The following WDPCP variants were observed in gnomAD, a reference collection of about 807,000 sequenced individuals.
WDPCP encodes WD repeat containing planar cell polarity effector, also known as WD repeat-containing and planar cell polarity effector protein fritz homolog.
WDPCP carries 71 observed loss-of-function variants against 93.1 expected under a neutral mutation model. The observed-to-expected ratio is 0.76, with a 90% CI of 0.63 to 0.93. WDPCP has a LOEUF of 0.93. WDPCP is among the 40% of genes least tolerant of loss of function. The probability of loss-of-function intolerance (pLI) is 0.00; values close to 1 mark genes in which losing one functional copy is unlikely to be tolerated. For missense variants in WDPCP, 844 were observed against 887.4 expected, an observed-to-expected ratio of 0.95 and a Z score of 0.62; for synonymous variants, 315 against 315.0, an observed-to-expected ratio of 1.00 and a Z score of 0.00.
intron 1 of WDPCP, among the ~76,000 whole-genome samples, chr2:63,579,172 C>T (rs1708320641): frequency 6.6e-6 from 1 of 152,184 alleles, no homozygotes; most frequent in African/African-American, 2.4e-5. Context: ...GTGCCCCACA[C>T]ATAAACCTGA....
At chr2:63,722,664 G>GC (rs1377010095) in intron 2 of WDPCP, among the ~76,000 whole-genome samples, 6 of 141,520 alleles carry the variant, frequency 4.2e-5, no homozygotes, top group Admixed American at 1.4e-4. Context: ...AGGTGGGGGG[G>GC]GGTCAGCCCC....
At chr2:63,351,445 A>C (rs1230915617) in intron 12 of WDPCP, among the ~76,000 whole-genome samples, 1 of 151,956 alleles carries the variant, frequency 6.6e-6, no homozygotes, top group Non-Finnish European at 1.5e-5. Context: ...CCCATCTAGT[A>C]GTCCACAGTG....
intron 1 of WDPCP, among the ~76,000 whole-genome samples, chr2:63,510,122 C>T (rs868594167): frequency 3.3e-5 from 5 of 152,038 alleles, no homozygotes; most frequent in South Asian, 2.1e-4. Context: ...GGCAGAGACA[C>T]AACAAAAAAA....
intron 1 of WDPCP, among the ~76,000 whole-genome samples, chr2:63,548,605 C>T (rs777252238): frequency 6.6e-6 from 1 of 151,898 alleles, no homozygotes; most frequent in Non-Finnish European, 1.5e-5. Flanking sequence ...TCAAATGGAC[C>T]GCATCTTAAG....
intron 13 of WDPCP, among the ~76,000 whole-genome samples, chr2:63,273,809 A>ACACACACACACACACACATG (rs1491586791): frequency 9.5e-5 from 13 of 136,796 alleles, no homozygotes; most frequent in African/African-American, 3.3e-4. Context: ...CAACGCAGAA[A>ACACACACACACACACACATG]CACACACACA....
At chr2:63,801,019 A>G (rs1670687324) in intron 2 of WDPCP, among the ~76,000 whole-genome samples, 2 of 152,186 alleles carry the variant, frequency 1.3e-5, no homozygotes, top group African/African-American at 4.8e-5. Flanking sequence ...AGACCATTAT[A>G]CTCAGCCTGG....
intron 17 of WDPCP, among the ~76,000 whole-genome samples, chr2:63,144,139 T>G (rs1671292019): frequency 6.6e-6 from 1 of 152,122 alleles, no homozygotes; most frequent in African/African-American, 2.4e-5. Context: ...TCATATTTTC[T>G]TCTTCTTTTT....
chr2:63,230,386 C>A (rs1259883082), intron 14 of WDPCP, among the ~76,000 whole-genome samples: 2 of 152,102 alleles, frequency 1.3e-5, no homozygotes, highest in African/African-American at 4.8e-5. Context: ...AATAGTGCCA[C>A]AATAAACATA....
chr2:63,530,131 T>C (rs1169448714), intron 1 of WDPCP, among the ~76,000 whole-genome samples: 1 of 152,220 alleles, frequency 6.6e-6, no homozygotes, highest in Non-Finnish European at 1.5e-5. Flanking sequence ...TCAAGTTTGT[T>C]GATCTTTTCA....
intron 17 of WDPCP, among the ~76,000 whole-genome samples, chr2:63,144,275 T>C (rs184734095): frequency 1.4e-5 from 2 of 144,736 alleles, no homozygotes; most frequent in East Asian, 1.9e-4. Flanking sequence ...TTTTATTTTA[T>C]TTTATTTTAT....
At chr2:63,370,286 C>G (rs907516007) in intron 12 of WDPCP, among the ~76,000 whole-genome samples, 1 of 152,046 alleles carries the variant, frequency 6.6e-6, no homozygotes, top group Non-Finnish European at 1.5e-5. Context: ...TCACATTTTT[C>G]TAGGTTCTTC....
chr2:63,627,535 C>T (rs1254655691), intron 3 of WDPCP, among the ~76,000 whole-genome samples: 1 of 152,142 alleles, frequency 6.6e-6, no homozygotes, highest in African/African-American at 2.4e-5. Context: ...CACCCATGGC[C>T]CGACCTGCCC....
intron 17 of WDPCP, among the ~76,000 whole-genome samples, chr2:63,130,217 G>A (rs772191946): frequency 3.3e-5 from 5 of 151,972 alleles, no homozygotes; most frequent in South Asian, 2.1e-4. Flanking sequence ...TTTCTCCTAC[G>A]TTTTCTCCAA....
At chr2:63,370,214 G>A (rs952289432) in intron 12 of WDPCP, among the ~76,000 whole-genome samples, 4 of 152,058 alleles carry the variant, frequency 2.6e-5, no homozygotes, top group East Asian at 1.9e-4. Flanking sequence ...TATACCCATG[G>A]TATTCCTTCC....
At chr2:63,434,377 C>G (rs1041673019) in intron 8 of WDPCP, among the ~76,000 whole-genome samples, 2 of 152,102 alleles carry the variant, frequency 1.3e-5, no homozygotes, top group Non-Finnish European at 2.9e-5. Context: ...CAACTTGAGG[C>G]AAATATCTCT....
At chr2:63,298,341 G>A (rs774574351) in intron 13 of WDPCP, among the ~76,000 whole-genome samples, 21 of 152,124 alleles carry the variant, frequency 1.4e-4, no homozygotes, top group South Asian at 8.3e-4. Flanking sequence ...TTGGATTGAC[G>A]TATGCAAAGT....
In WDPCP at chr2:63,274,397, A is replaced by G. The variant is rs188981004; in HGVS notation, c.1813-14988T>C. On this transcript the variant is annotated intron_variant, in intron 13 of 17. Coordinates refer to ENST00000272321, the MANE Select transcript of WDPCP (RefSeq NM_015910.7). ...AGAAAAGTAAGAAGATTTCAAATAA[A>G]CTACCTAACAATGCACCTGAAGGAA... 3.1e-3 allele frequency among the ~76,000 whole-genome samples: 469 copies of G among 152,234 alleles called. 1 individual carries two copies. Among genetic ancestry groups the G allele is most frequent in the African/African-American group, 0.01 (436 of 41,554 alleles).
At chr2:63,178,137 G>C (rs530136020) in intron 14 of WDPCP, among the ~76,000 whole-genome samples, 1 of 152,228 alleles carries the variant, frequency 6.6e-6, no homozygotes, top group South Asian at 2.1e-4. Context: ...TTTTGTTAAT[G>C]ACTTTTGCTC....
At chr2:63,357,854 C>A (rs1352432004) in intron 12 of WDPCP, among the ~76,000 whole-genome samples, 1 of 152,078 alleles carries the variant, frequency 6.6e-6, no homozygotes, top group South Asian at 2.1e-4. Flanking sequence ...ATAGAATCAA[C>A]CTAAATGCCA....
Sources: gnomAD v4.1 joint callset for allele counts (sites outside exome capture counted in the v4.1 genomes callset) on GRCh38, gnomAD v4.1.1 for gene constraint, MANE v1.5 for transcripts, NCBI Gene and HGNC (gene_info 2026-07-23, HGNC 2026-07-21) for gene names.